The following GULP1 variants were observed in gnomAD, a reference collection of about 807,000 sequenced individuals.
The protein encoded by GULP1 is GULP PTB domain containing engulfment adaptor 1.
GULP1 carries 19 observed loss-of-function variants against 40.9 expected under a neutral mutation model. The ratio of observed to expected loss-of-function variants is 0.46; its 90% CI spans 0.32 to 0.68. GULP1 has a LOEUF of 0.68. GULP1 is among the 30% of genes least tolerant of loss of function. GULP1 has a pLI of 0.03. For missense variants in GULP1, 312 were observed against 362.2 expected (o/e 0.86, Z 1.12); for synonymous variants, 119 against 117.6 (o/e 1.01, Z -0.08).
intron 7 of GULP1, among the ~76,000 whole-genome samples, chr2:188,545,887 A>G (rs1691820159): frequency 6.6e-6 from 1 of 151,892 alleles, no homozygotes; most frequent in South Asian, 2.1e-4. Context: ...TGAAAGAATG[A>G]AAAGAGAGTT....
At chr2:188,319,246 A>G (rs2039598438) in intron 1 of GULP1, among the ~76,000 whole-genome samples, 1 of 151,836 alleles carries the variant, frequency 6.6e-6, no homozygotes, top group African/African-American at 2.4e-5. Flanking sequence ...ACATGAATGC[A>G]TTCTTATTAT....
intron 4 of GULP1, among the ~76,000 whole-genome samples, chr2:188,510,306 G>T (rs538900691): frequency 1.3e-3 from 204 of 152,106 alleles, no homozygotes; most frequent in Non-Finnish European, 2.4e-3. Flanking sequence ...ATGAAATATA[G>T]ATGCTTATTA....
chr2:188,529,064 A>G, intron 5 of GULP1, 33 bp from the exon 6 acceptor site: 2 of 898,692 alleles, frequency 2.2e-6, no homozygotes, highest in South Asian at 1.5e-5. Flanking sequence ...TAGAAATAGA[A>G]GTGTAGCTTT....
chr2:188,558,822 T>C (rs546008899), intron 7 of GULP1, among the ~76,000 whole-genome samples: 1 of 152,328 alleles, frequency 6.6e-6, no homozygotes, highest in East Asian at 1.9e-4. Context: ...ATTTTGCTCC[T>C]GCACTAGAGA....
chr2:188,398,221 A>G (rs764322096), intron 2 of GULP1, among the ~76,000 whole-genome samples: 6 of 152,230 alleles, frequency 3.9e-5, no homozygotes, highest in Non-Finnish European at 8.8e-5. Context: ...CCGGGGAGAA[A>G]GTGCTACGTT....
At chr2:188,353,150 G>T (rs1337269962) in intron 1 of GULP1, among the ~76,000 whole-genome samples, 1 of 152,098 alleles carries the variant, frequency 6.6e-6, no homozygotes, top group East Asian at 1.9e-4. Context: ...GCTTTATGAG[G>T]TTCTTTATAT....
intron 9 of GULP1, chr2:188,582,436 T>C: frequency 2.1e-6 from 1 of 471,722 alleles, no homozygotes; most frequent in Non-Finnish European, 4.4e-6. Context: ...CCTGTCTCAA[T>C]ATTTCTTCCA....
At chr2:188,430,538 G>C (rs1174783658) in intron 2 of GULP1, among the ~76,000 whole-genome samples, 5 of 152,296 alleles carry the variant, frequency 3.3e-5, no homozygotes, top group Middle Eastern at 3.4e-3. Context: ...ATGGGAAGTT[G>C]CCTGGTTATA....
chr2:188,482,186 A>C (rs2061493674), intron 3 of GULP1, among the ~76,000 whole-genome samples: 3 of 151,940 alleles, frequency 2.0e-5, no homozygotes, highest in African/African-American at 7.2e-5. Flanking sequence ...CCCATAAACA[A>C]ATTTAATATG....
chr2:188,306,282 C>T (rs965576475), intron 1 of GULP1, among the ~76,000 whole-genome samples: 2 of 152,110 alleles, frequency 1.3e-5, no homozygotes, highest in Non-Finnish European at 2.9e-5. Flanking sequence ...TTAGGGTAGT[C>T]TAAAATTTAA....
In GULP1 at chr2:188,326,917, G is replaced by A. The variant is rs147442293; in HGVS notation, c.-172+34751G>A. On this transcript the variant is annotated intron_variant, in intron 1 of 11. Transcript: ENST00000409830. ...CTCAGCAGAATTCAGCAGACAGTCT[G>A]TACAAGGCATCGGTCTGTGGTGGAG... 4.1e-3 allele frequency among the ~76,000 whole-genome samples: 629 copies of A among 152,178 alleles called. 6 individuals carry two copies. Among genetic ancestry groups the A allele is most frequent in the African/African-American group, 0.015 (605 of 41,534 alleles).
intron 4 of GULP1, among the ~76,000 whole-genome samples, chr2:188,486,935 T>C (rs529218044): frequency 1.4e-4 from 21 of 151,814 alleles, no homozygotes; most frequent in Admixed American, 2.6e-4. Flanking sequence ...GCAAAAAAGG[T>C]GATTGCAGTT....
intron 2 of GULP1, among the ~76,000 whole-genome samples, chr2:188,385,418 G>A (rs1364477200): frequency 6.6e-6 from 1 of 152,080 alleles, no homozygotes; most frequent in Non-Finnish European, 1.5e-5. Context: ...CCCTGGGCCA[G>A]GAAATCATTT....
At chr2:188,517,426 T>C (rs1025326966) in intron 4 of GULP1, among the ~76,000 whole-genome samples, 2 of 152,240 alleles carry the variant, frequency 1.3e-5, no homozygotes, top group Non-Finnish European at 2.9e-5. Context: ...ATGAATGCAA[T>C]ATATCTATAT....
chr2:188,306,627 A>G (rs1403628814), intron 1 of GULP1, among the ~76,000 whole-genome samples: 2 of 152,120 alleles, frequency 1.3e-5, no homozygotes, highest in Admixed American at 1.3e-4. Context: ...AGAGCTAGAG[A>G]ATAGGGTAGA....
intron 2 of GULP1, among the ~76,000 whole-genome samples, chr2:188,469,533 T>A (rs2060412875): frequency 1.3e-5 from 2 of 152,130 alleles, no homozygotes; most frequent in South Asian, 4.2e-4. Flanking sequence ...GAACCTCTAG[T>A]CATGGCAGTA....
chr2:188,450,313 A>G (rs1424659440), intron 2 of GULP1, among the ~76,000 whole-genome samples: 1 of 152,184 alleles, frequency 6.6e-6, no homozygotes, highest in African/African-American at 2.4e-5. Context: ...TTATGTATGT[A>G]ATCACTCTAG....
chr2:188,503,884 A>C (rs1245753119), intron 4 of GULP1, among the ~76,000 whole-genome samples: 1 of 151,952 alleles, frequency 6.6e-6, no homozygotes, highest in Non-Finnish European at 1.5e-5. Context: ...AACTTTAGTA[A>C]CACATATACA....
In GULP1 at chr2:188,368,854, CT is replaced by C. The variant is rs550545968; in HGVS notation, c.-171-14901del. Among the ~76,000 whole-genome samples the C allele has an allele frequency of 4.1e-3, 577 of 139,594 alleles. 5 individuals carry two copies. The highest frequency in any genetic ancestry group is 0.014 in the African/African-American group (542 of 38,062). The allele number at this position is 139,594 out of a possible 152,430, so 91.6% of individuals were successfully genotyped here. ...AAGACACATAACAAATTTATGTGGC[CT>C]TTTTTTTCTTTTCATTGGGTTAGTA... is the stretch of plus-strand genomic sequence containing the variant. On this transcript the variant is annotated intron_variant, in intron 1 of 11. Transcript: ENST00000409830.
Sources: gnomAD v4.1 joint callset for allele counts (sites outside exome capture counted in the v4.1 genomes callset) on GRCh38, gnomAD v4.1.1 for gene constraint, MANE v1.5 for transcripts, NCBI Gene and HGNC (gene_info 2026-07-23, HGNC 2026-07-21) for gene names.